ASAP1: variants seen among roughly 807,000 people sequenced by gnomAD.
ASAP1 encodes ArfGAP with SH3 domain, ankyrin repeat and PH domain 1, also known as arf-GAP with SH3 domain, ANK repeat and PH domain-containing protein 1.
Under a neutral mutation model 145.2 loss-of-function variants are expected in ASAP1, and 43 were observed. The ratio of observed to expected loss-of-function variants is 0.30; its 90% CI spans 0.23 to 0.38. ASAP1 has a LOEUF of 0.38. ASAP1 is among the 10% of genes least tolerant of loss of function. ASAP1 has a pLI of 1.00. For synonymous variants in ASAP1, 546 were observed against 515.5 expected (o/e 1.06, Z -0.80); for missense variants, 1,018 against 1,355.3 (o/e 0.75, Z 3.91).
intron 3 of ASAP1, among the ~76,000 whole-genome samples, chr8:130,265,567 T>C (rs1440883884): frequency 2.1e-5 from 3 of 144,066 alleles, no homozygotes; most frequent in Non-Finnish European, 4.5e-5. Flanking sequence ...AGTGAAACCC[T>C]GTCTTTAAAA....
At chr8:130,244,650 G>A (rs755553400) in intron 3 of ASAP1, among the ~76,000 whole-genome samples, 1 of 152,148 alleles carries the variant, frequency 6.6e-6, no homozygotes, top group African/African-American at 2.4e-5. Context: ...GTGAAACATA[G>A]CCTGTCTGTA....
chr8:130,263,624 T>C (rs1392668538), intron 3 of ASAP1, among the ~76,000 whole-genome samples: 2 of 152,206 alleles, frequency 1.3e-5, no homozygotes, highest in African/African-American at 2.4e-5. Flanking sequence ...CTCTCTGTTA[T>C]TTTATTTAAG....
chr8:130,388,715 T>A (rs548184218), intron 2 of ASAP1, among the ~76,000 whole-genome samples: 8 of 152,064 alleles, frequency 5.3e-5, no homozygotes, highest in African/African-American at 1.7e-4. Context: ...AGGAAGGGAG[T>A]GATCAACTGG....
chr8:130,245,614 C>T (rs548939226), intron 3 of ASAP1, among the ~76,000 whole-genome samples: 2 of 152,170 alleles, frequency 1.3e-5, no homozygotes, highest in South Asian at 4.1e-4. Flanking sequence ...AAAACTAGCT[C>T]GCAAAAGTCT....
intron 4 of ASAP1, 59 bp from the exon 5 acceptor site, chr8:130,214,760 T>A: frequency 7.2e-7 from 1 of 1,389,838 alleles, no homozygotes; most frequent in Non-Finnish European, 9.8e-7. Context: ...AATGAAAAGT[T>A]ACTTTGAACA....
chr8:130,253,321 TAAGTG>T lies in ASAP1; in HGVS notation c.187-16332_187-16328del, dbSNP rs1260721857. On this transcript the variant is annotated intron_variant, in intron 3 of 29. Transcript: ENST00000518721. Reference sequence around the variant, plus strand: ...ATTAATCTCATAGAGTTATAAGGATTAAGTGAAGAAATCCATATAAAGTGCCTTAG... The same window carrying T: ...ATTAATCTCATAGAGTTATAAGGATTAAGAAATCCATATAAAGTGCCTTAG... Among the ~76,000 whole-genome samples, 3 of 152,188 alleles carry T rather than the reference TAAGTG, an allele frequency of 2.0e-5. No individual in the cohort carries two copies. In the East Asian group the frequency reaches 5.8e-4, roughly 29 times the overall value.
intron 3 of ASAP1, chr8:130,341,062 G>A (rs767681171): frequency 8.2e-6 from 3 of 367,286 alleles, no homozygotes; most frequent in African/African-American, 2.1e-5. Flanking sequence ...GTAACACCAC[G>A]TGGCTGTGAG....
chr8:130,090,697 C>T (rs938178467), intron 25 of ASAP1, among the ~76,000 whole-genome samples: 2 of 152,138 alleles, frequency 1.3e-5, no homozygotes, highest in East Asian at 1.9e-4. Context: ...ATGAACTCCA[C>T]GAGCATATGG....
chr8:130,071,048 A>AGAGAG (rs2097445313), intron 27 of ASAP1, among the ~76,000 whole-genome samples: 6 of 59,308 alleles, frequency 1.0e-4, no homozygotes, highest in East Asian at 5.0e-4. Flanking sequence ...GAGAGAGAGA[A>AGAGAG]AGCAGAGTTT....
chr8:130,264,476 C>G (rs1820125043), intron 3 of ASAP1, among the ~76,000 whole-genome samples: 1 of 152,118 alleles, frequency 6.6e-6, no homozygotes, highest in African/African-American at 2.4e-5. Flanking sequence ...TGCTTAGATA[C>G]CAATAGTGCT....
At chr8:130,349,408 G>A (rs1284618622) in intron 3 of ASAP1, among the ~76,000 whole-genome samples, 1 of 152,078 alleles carries the variant, frequency 6.6e-6, no homozygotes, top group African/African-American at 2.4e-5. Flanking sequence ...ATAATACAGG[G>A]CAATAGCAAC....
At chr8:130,237,148 G>A (rs1196460073) in intron 3 of ASAP1, among the ~76,000 whole-genome samples, 154 bp from the exon 4 acceptor site, 1 of 152,106 alleles carries the variant, frequency 6.6e-6, no homozygotes, top group African/African-American at 2.4e-5. Context: ...CAGACTGGAA[G>A]TCCCTGGGAT....
At chr8:130,114,832 T>C (rs182771899) in intron 23 of ASAP1, among the ~76,000 whole-genome samples, 2 of 150,528 alleles carry the variant, frequency 1.3e-5, no homozygotes, top group Non-Finnish European at 3.0e-5. Context: ...AAGAGTGCAG[T>C]AGTACAATCA....
At chr8:130,216,612 C>G (rs937922121) in intron 4 of ASAP1, among the ~76,000 whole-genome samples, 7 of 152,116 alleles carry the variant, frequency 4.6e-5, no homozygotes, top group Non-Finnish European at 7.4e-5. Context: ...TGTTGAGGCC[C>G]CTCAGTCTTG....
At position 130,344,122 on chromosome 8, in the gene ASAP1, C is replaced by T. The variant is rs182420816; in HGVS notation, c.186+13895G>A. Among the ~76,000 whole-genome samples, 15 of 152,224 alleles carry T rather than the reference C, an allele frequency of 9.9e-5. No homozygotes were observed. The East Asian group carries it at 2.3e-3, about 24-fold the overall frequency. ...GTGCAGGGTTGCAGTCAACACTATCCATACTATGGGAAACTACGGGATAAA... is the reference window on the plus strand; with the variant it reads ...GTGCAGGGTTGCAGTCAACACTATCTATACTATGGGAAACTACGGGATAAA... On this transcript the variant is annotated intron_variant, in intron 3 of 29. Coordinates refer to ENST00000518721, the MANE Select transcript of ASAP1 (RefSeq NM_018482.4).
chr8:130,218,458 G>A (rs1334433120), intron 4 of ASAP1, among the ~76,000 whole-genome samples: 2 of 151,972 alleles, frequency 1.3e-5, no homozygotes, highest in Non-Finnish European at 1.5e-5. Context: ...ACCCAATTCC[G>A]ATCTCCTTCC....
At chr8:130,370,387 C>T (rs1415542973) in intron 2 of ASAP1, among the ~76,000 whole-genome samples, 1 of 152,154 alleles carries the variant, frequency 6.6e-6, no homozygotes, top group African/African-American at 2.4e-5. Flanking sequence ...GAGAGGTCAG[C>T]AGCCTGCAAG....
intron 5 of ASAP1, among the ~76,000 whole-genome samples, chr8:130,200,696 C>T (rs1158762278): frequency 6.6e-6 from 1 of 152,114 alleles, no homozygotes. Flanking sequence ...TAGTCTTTTT[C>T]TCCCTACATT....
chr8:130,400,232 G>A (rs1828724361), intron 2 of ASAP1, among the ~76,000 whole-genome samples: 1 of 152,128 alleles, frequency 6.6e-6, no homozygotes, highest in South Asian at 2.1e-4. Context: ...TAGAAACCCT[G>A]GCCCCAACAG....
Sources: allele counts gnomAD v4.1 joint callset (sites outside exome capture counted in the v4.1 genomes callset), GRCh38; gene constraint gnomAD v4.1.1; transcripts MANE v1.5; gene names NCBI Gene and HGNC (gene_info 2026-07-23, HGNC 2026-07-21).